The following STON2 variants were observed in gnomAD, a reference collection of about 807,000 sequenced individuals.
The protein encoded by STON2 is stonin 2.
Under a neutral mutation model 65.7 loss-of-function variants are expected in STON2, and 29 were observed. The ratio of observed to expected loss-of-function variants is 0.44; its 90% CI spans 0.33 to 0.60. The LOEUF is 0.60. Ranked by LOEUF, STON2 falls within the 20% of genes least tolerant of loss-of-function variation. STON2 has a pLI of 0.03. For missense variants in STON2, 1,054 were observed against 1,118.1 expected, an observed-to-expected ratio of 0.94 and a Z score of 0.82; for synonymous variants, 404 against 414.2, an observed-to-expected ratio of 0.98 and a Z score of 0.30.
At chr14:81,371,553 A>G (rs926988347) in intron 3 of STON2, among the ~76,000 whole-genome samples, 6 of 151,934 alleles carry the variant, frequency 3.9e-5, no homozygotes, top group Non-Finnish European at 2.9e-5. Flanking sequence ...AATTTAGCCA[A>G]GCATGGTGGC....
chr14:81,361,831 AGGACCT>A (rs1898506167), intron 4 of STON2, among the ~76,000 whole-genome samples: 1 of 152,268 alleles, frequency 6.6e-6, no homozygotes, highest in South Asian at 2.1e-4. Context: ...AAATAAGCAA[AGGACCT>A]GAATGACATT....
In STON2 at chr14:81,267,367, T is replaced by C. The variant is rs1354055286; in HGVS notation, c.*1047A>G. 3.0e-6 allele frequency: 3 copies of C among 985,274 alleles called. No homozygotes were observed. Among genetic ancestry groups the C allele is most frequent in the Non-Finnish European group, 3.6e-6 (3 of 829,934 alleles). The allele number at this position is 985,274 out of a possible 1,614,324, so 61.0% of individuals were successfully genotyped here. On this transcript the variant is annotated 3_prime_UTR_variant, in exon 8 of 8. Coordinates refer to ENST00000614646, the MANE Select transcript of STON2 (RefSeq NM_001394390.1). ...TACTGTGATTATCAAACTCTGAATT[T>C]TGGGGGAAAGCTCATTCAAGCTTAA...
At chr14:81,314,810 C>T (rs1000699690) in intron 5 of STON2, among the ~76,000 whole-genome samples, 2 of 152,166 alleles carry the variant, frequency 1.3e-5, no homozygotes, top group Non-Finnish European at 2.9e-5. Flanking sequence ...CTTCTCTTTA[C>T]AACACTGCTA....
At chr14:81,369,470 A>G (rs185788559) in intron 4 of STON2, among the ~76,000 whole-genome samples, 1 of 152,320 alleles carries the variant, frequency 6.6e-6, no homozygotes, top group African/African-American at 2.4e-5. Context: ...CAGCATAGAA[A>G]TCTTGGCTTT....
chr14:81,396,230 G>C (rs772836038), intron 2 of STON2, 52 bp from the exon 3 acceptor site: 13 of 1,534,916 alleles, frequency 8.5e-6, no homozygotes, highest in Non-Finnish European at 1.1e-5. Context: ...GCTCTTCAGA[G>C]CCATCTCATG....
In STON2 at chr14:81,396,172, G is replaced by C. The variant is rs200393974; in HGVS notation, c.95C>G (p.Thr32Arg). The stretch of plus-strand genomic sequence containing the variant: ...TGACAGTCCTGGGAGGTGCTCTTCC[G>C]TGCCCCCTGAAACAGATACCAGACG... ...PPFPAHSQGG[T>R]EEHLPGLSSS... Residue 32 changes from threonine to arginine, a missense_variant, in exon 3 of 8, where the codon ACG becomes AGG. Transcript: ENST00000614646. 5 of 1,607,092 alleles carry C rather than the reference G, an allele frequency of 3.1e-6. No individual in the cohort carries two copies. In the Admixed American group the frequency reaches 5.0e-5, roughly 16 times the overall value.
At chr14:81,419,609 T>A (rs1253879901) in intron 2 of STON2, among the ~76,000 whole-genome samples, 4 of 152,178 alleles carry the variant, frequency 2.6e-5, no homozygotes, top group African/African-American at 9.6e-5. Context: ...AGGGGATGCA[T>A]GGCTGAAGCC....
In STON2 at chr14:81,267,888, C is replaced by T; in HGVS notation, c.*526G>A. On this transcript the variant is annotated 3_prime_UTR_variant, in exon 8 of 8. Transcript: ENST00000614646. ...CTTAACAGTTAAAGAATGGAGACACCTCAAAAAGGTCTAGTAAGACCCAAA... is the reference window on the plus strand; with the variant it reads ...CTTAACAGTTAAAGAATGGAGACACTTCAAAAAGGTCTAGTAAGACCCAAA... 1 of 985,446 alleles carries T rather than the reference C, an allele frequency of 1.0e-6. No homozygotes were observed. The highest frequency in any genetic ancestry group is 1.2e-6 in the Non-Finnish European group (1 of 829,984). The allele number at this position is 985,446 out of a possible 1,614,324, so 61.0% of individuals were successfully genotyped here.
chr14:81,337,379 G>T (rs1368033284), intron 4 of STON2, among the ~76,000 whole-genome samples: 1 of 152,168 alleles, frequency 6.6e-6, no homozygotes, highest in East Asian at 1.9e-4. Flanking sequence ...CCGGTGATAC[G>T]CCAATGACAA....
chr14:81,310,773 C>T (rs546375570), intron 5 of STON2, among the ~76,000 whole-genome samples: 16 of 152,312 alleles, frequency 1.1e-4, no homozygotes, highest in African/African-American at 3.6e-4. Context: ...TCCCCATGCC[C>T]TCTTTCCAGG....
At chr14:81,350,643 T>C (rs1897989480) in intron 4 of STON2, among the ~76,000 whole-genome samples, 2 of 152,166 alleles carry the variant, frequency 1.3e-5, no homozygotes, top group African/African-American at 4.8e-5. Context: ...TTCTTACCCG[T>C]AAAATGTGGA....
intron 2 of STON2, among the ~76,000 whole-genome samples, chr14:81,397,176 G>A (rs1900367365): frequency 6.6e-6 from 1 of 152,120 alleles, no homozygotes; most frequent in Non-Finnish European, 1.5e-5. Context: ...TCTGTATAAA[G>A]GTTTTTAATC....
chr14:81,412,915 A>G lies in STON2; in HGVS notation c.-199+14187T>C, dbSNP rs1901233714. ...TGGCAGCTCCAGCCGGGCGATGCTT[A>G]GCACCTCCCCAGGAGACCGTTGCAG... On this transcript the variant is annotated intron_variant, in intron 2 of 8. Coordinates refer to the STON2 transcript ENST00000553821. The G allele has an allele frequency of 6.0e-6, 4 of 661,738 alleles. 1 individual carries two copies. Among genetic ancestry groups the G allele is most frequent in the Non-Finnish European group, 1.0e-5 (4 of 392,200 alleles). The allele number at this position is 661,738 out of a possible 1,614,324, so 41.0% of individuals were successfully genotyped here.
At chr14:81,300,277 T>C (rs531416632) in intron 5 of STON2, among the ~76,000 whole-genome samples, 1 of 151,846 alleles carries the variant, frequency 6.6e-6, no homozygotes, top group South Asian at 2.1e-4. Flanking sequence ...TCTCTCTCTG[T>C]CTAAAAATTA....
chr14:81,398,405 T>C lies in STON2; in HGVS notation c.-23A>G, dbSNP rs1004364614. 2.4e-5 allele frequency: 38 copies of C among 1,595,458 alleles called. No individual in the cohort carries two copies. The highest frequency in any genetic ancestry group is 3.1e-5 in the Non-Finnish European group (36 of 1,163,284). On this transcript the variant is annotated 5_prime_UTR_variant, in exon 2 of 8. Coordinates refer to ENST00000614646, the MANE Select transcript of STON2 (RefSeq NM_001394390.1). ...CATGCTAAAAAGGCACTGGTCATCT[T>C]CACACTGCTGACCTCAGGTGAACCC... is the stretch of plus-strand genomic sequence containing the variant.
intron 5 of STON2, among the ~76,000 whole-genome samples, chr14:81,314,078 T>C (rs929586650): frequency 2.0e-5 from 3 of 152,240 alleles, no homozygotes; most frequent in African/African-American, 4.8e-5. Context: ...AAGCAAAGCC[T>C]GTGCTACTTT....
At chr14:81,293,087 T>A (rs1268444702) in intron 5 of STON2, among the ~76,000 whole-genome samples, 6 of 152,096 alleles carry the variant, frequency 3.9e-5, no homozygotes, top group Admixed American at 2.6e-4. Context: ...TTAAATGGAC[T>A]GACTCAAGGG....
intron 5 of STON2, among the ~76,000 whole-genome samples, chr14:81,309,963 G>A (rs1896359155): frequency 6.6e-6 from 1 of 152,124 alleles, no homozygotes; most frequent in African/African-American, 2.4e-5. Context: ...CATATATGCA[G>A]GACTCTGAAT....
intron 4 of STON2, among the ~76,000 whole-genome samples, chr14:81,355,236 A>G (rs1018114550): frequency 6.6e-6 from 1 of 152,208 alleles, no homozygotes; most frequent in African/African-American, 2.4e-5. Context: ...TTAAAAAATA[A>G]TAGTTGAAAA....
Sources: allele counts gnomAD v4.1 joint callset (sites outside exome capture counted in the v4.1 genomes callset), GRCh38; gene constraint gnomAD v4.1.1; transcripts MANE v1.5; gene names NCBI Gene and HGNC (gene_info 2026-07-23, HGNC 2026-07-21).